GALNT18: variants seen among roughly 807,000 people sequenced by gnomAD.
GALNT18 encodes polypeptide N-acetylgalactosaminyltransferase 18.
A neutral mutation model predicts 69.5 loss-of-function variants in GALNT18; 44 were observed. The observed-to-expected ratio is 0.63, with a 90% confidence interval of 0.50 to 0.81. The LOEUF is 0.81. Ranked by LOEUF, GALNT18 falls within the 40% of genes least tolerant of loss-of-function variation. GALNT18 has a pLI of 0.00. For missense variants in GALNT18, 715 were observed against 810.0 expected, an observed-to-expected ratio of 0.88 and a Z score of 1.42; for synonymous variants, 364 against 318.2, an observed-to-expected ratio of 1.14 and a Z score of -1.53.
In GALNT18 at chr11:11,523,021, C is replaced by A. The variant is rs35390374; in HGVS notation, c.236-74085G>T. ...CAGTGCAGTCCACTAACAATTCAGGCAGAGGCTCTCCCTTACAAACTGCTT... is the reference window on the plus strand; with the variant it reads ...CAGTGCAGTCCACTAACAATTCAGGAAGAGGCTCTCCCTTACAAACTGCTT... On this transcript the variant is annotated intron_variant, in intron 1 of 10. Coordinates refer to ENST00000227756, the MANE Select transcript of GALNT18 (RefSeq NM_198516.3). The surrounding 1 kb of genome is among the most constrained non-coding windows in gnomAD (Gnocchi z 4.3). Among the ~76,000 whole-genome samples the A allele has an allele frequency of 0.13, 20,314 of 152,198 alleles. 1,755 individuals carry two copies. The highest frequency in any genetic ancestry group is 0.18 in the Middle Eastern group (52 of 292).
Position 11,497,327 on chromosome 11 carries a change from A to AAC in GALNT18, c.236-48393_236-48392dup, listed in dbSNP as rs61001797. Among the ~76,000 whole-genome samples the AAC allele has an allele frequency of 0.042, 5,526 of 132,268 alleles. 135 individuals are homozygous for AAC. Among genetic ancestry groups the AAC allele is most frequent in the African/African-American group, 0.048 (1,628 of 34,104 alleles). The allele number at this position is 132,268 out of a possible 152,430, so 86.8% of individuals were successfully genotyped here. On this transcript the variant is annotated intron_variant, in intron 1 of 10. Transcript: ENST00000227756. This position sits in a 1 kb window ranked among gnomAD's most constrained non-coding sequence, Gnocchi z 4.2. ...TATTTATGTTTTACCTCCTGTCTCCAACACACACACACACACACACACACA... is the reference window on the plus strand; with the variant it reads ...TATTTATGTTTTACCTCCTGTCTCCAACACACACACACACACACACACACACA...
intron 10 of GALNT18, among the ~76,000 whole-genome samples, chr11:11,286,600 G>A (rs79723900): frequency 6.6e-6 from 1 of 151,940 alleles, no homozygotes; most frequent in African/African-American, 2.4e-5. Context: ...TTGCACACAG[G>A]GGGGACTTTG....
At chr11:11,361,353 T>C (rs1015076554) in intron 6 of GALNT18, among the ~76,000 whole-genome samples, 7 of 152,332 alleles carry the variant, frequency 4.6e-5, no homozygotes, top group African/African-American at 1.7e-4. Flanking sequence ...CCTCTCTCTG[T>C]GCTTCAGTAT....
At chr11:11,407,472 G>A (rs867046441) in intron 3 of GALNT18, among the ~76,000 whole-genome samples, 40 of 152,208 alleles carry the variant, frequency 2.6e-4, no homozygotes, top group African/African-American at 9.2e-4. Context: ...CAGCACACAC[G>A]TCTCTGTTCT....
chr11:11,331,665 C>A (rs1850018695), intron 8 of GALNT18, among the ~76,000 whole-genome samples: 1 of 152,168 alleles, frequency 6.6e-6, no homozygotes, highest in Non-Finnish European at 1.5e-5. Context: ...ACACCAGAAG[C>A]TGGTTTTTTA....
intron 9 of GALNT18, among the ~76,000 whole-genome samples, chr11:11,323,493 G>T (rs1484660538): frequency 6.6e-6 from 1 of 152,198 alleles, no homozygotes; most frequent in African/African-American, 2.4e-5. Flanking sequence ...TCAATGCTCT[G>T]CCCTCCAGGT....
At chr11:11,521,275 C>T (rs1857393092) in intron 1 of GALNT18, among the ~76,000 whole-genome samples, 1 of 152,212 alleles carries the variant, frequency 6.6e-6, no homozygotes, top group Non-Finnish European at 1.5e-5. Flanking sequence ...AACAGGGGTA[C>T]AAACTAGCAA....
chr11:11,398,054 C>T (rs1184561339), intron 3 of GALNT18, among the ~76,000 whole-genome samples: 1 of 152,180 alleles, frequency 6.6e-6, no homozygotes, highest in African/African-American at 2.4e-5. Flanking sequence ...TGAAGTGCTC[C>T]ACACATTATA....
Position 11,617,566 on chromosome 11 carries a change from T to C in GALNT18, c.235+3793A>G, listed in dbSNP as rs1043272028. Reference sequence around the variant, plus strand: ...ATGACTACACCTTCATTTTGAAATATGGAGGCAAATGAACAAATCCAGAAG... The same window carrying C: ...ATGACTACACCTTCATTTTGAAATACGGAGGCAAATGAACAAATCCAGAAG... On this transcript the variant is annotated intron_variant, in intron 1 of 10. Transcript: ENST00000227756. This position sits in a 1 kb window ranked among gnomAD's most constrained non-coding sequence, Gnocchi z 4.7. Among the ~76,000 whole-genome samples the C allele has an allele frequency of 1.3e-5, 2 of 152,218 alleles. No individual in the cohort carries two copies. The highest frequency in any genetic ancestry group is 2.9e-5 in the Non-Finnish European group (2 of 68,024).
rs768195138 is a variant in GALNT18 at position 11,372,359 on chromosome 11, C to T, written c.1092+156G>A. Among the ~76,000 whole-genome samples the T allele has an allele frequency of 3.9e-5, 6 of 152,296 alleles. No individual in the cohort carries two copies. The highest frequency in any genetic ancestry group is 6.5e-5 in the Admixed American group (1 of 15,304). ...TTCCTGAAAAGTCAAGAGGCTCCAC[C>T]CTGTGTCTTCCCAATCCCAATCACA... On this transcript the variant is annotated intron_variant, in intron 6 of 10. Coordinates refer to ENST00000227756, the MANE Select transcript of GALNT18 (RefSeq NM_198516.3). The surrounding 1 kb of genome is among the most constrained non-coding windows in gnomAD (Gnocchi z 4.9).
rs1431291582 is a variant in GALNT18 at position 11,605,419 on chromosome 11, GC to G, written c.235+15939del. 6.6e-6 allele frequency among the ~76,000 whole-genome samples: 1 copy of G among 152,182 alleles called. No individual in the cohort carries two copies. Among genetic ancestry groups the G allele is most frequent in the Non-Finnish European group, 1.5e-5 (1 of 68,044 alleles). On this transcript the variant is annotated intron_variant, in intron 1 of 10. Coordinates refer to ENST00000227756, the MANE Select transcript of GALNT18 (RefSeq NM_198516.3). The surrounding 1 kb of genome is among the most constrained non-coding windows in gnomAD (Gnocchi z 4.7). ...ACACCTGTCTCCTGAGTGCGAAACA[GC>G]AAGTCCTAACTTGCCAGGCCGCCAG...
At position 11,606,182 on chromosome 11, in the gene GALNT18, A is replaced by T. The variant is rs1859749928; in HGVS notation, c.235+15177T>A. On this transcript the variant is annotated intron_variant, in intron 1 of 10. Coordinates refer to ENST00000227756, the MANE Select transcript of GALNT18 (RefSeq NM_198516.3). The surrounding 1 kb of genome is among the most constrained non-coding windows in gnomAD (Gnocchi z 5.4). The stretch of plus-strand genomic sequence containing the variant: ...CACCTCTTACTGAGAGGTTTTAGGC[A>T]GCTGGTTTATTTATTCATGTGTTTA... Among the ~76,000 whole-genome samples the T allele has an allele frequency of 6.6e-6, 1 of 152,148 alleles. No individual in the cohort carries two copies. Among genetic ancestry groups the T allele is most frequent in the South Asian group, 2.1e-4 (1 of 4,822 alleles).
At chr11:11,420,308 C>T (rs945876411) in intron 3 of GALNT18, among the ~76,000 whole-genome samples, 33 of 152,244 alleles carry the variant, frequency 2.2e-4, no homozygotes, top group Non-Finnish European at 1.9e-4. Flanking sequence ...CACCACCTCC[C>T]GCCCTCACCA....
At chr11:11,488,083 T>C (rs1012135330) in intron 1 of GALNT18, among the ~76,000 whole-genome samples, 2 of 152,194 alleles carry the variant, frequency 1.3e-5, no homozygotes, top group Non-Finnish European at 2.9e-5. Context: ...CAGGGGATAA[T>C]AGCTGTGCCT....
intron 3 of GALNT18, among the ~76,000 whole-genome samples, chr11:11,379,607 G>A (rs1853861724): frequency 6.6e-6 from 1 of 152,228 alleles, no homozygotes; most frequent in Admixed American, 6.5e-5. Flanking sequence ...CAGCTTGTGA[G>A]TGGCACAGTC....
Position 11,426,248 on chromosome 11 carries a change from G to A in GALNT18, c.595+6373C>T, listed in dbSNP as rs182889387. 3.2e-3 allele frequency among the ~76,000 whole-genome samples: 486 copies of A among 152,332 alleles called. 5 individuals carry two copies. Among genetic ancestry groups the A allele is most frequent in the African/African-American group, 0.011 (473 of 41,572 alleles). ...CCTCTGCACTCCACCCCACATTCAT[G>A]CCATATCCCTGGGATGCAACAGGGA... On this transcript the variant is annotated intron_variant, in intron 3 of 10. Transcript: ENST00000227756.
intron 10 of GALNT18, among the ~76,000 whole-genome samples, chr11:11,289,501 C>CCATG (rs556200851): frequency 5.0e-4 from 76 of 152,128 alleles, no homozygotes; most frequent in African/African-American, 1.5e-3. Flanking sequence ...CCTTTTCAAG[C>CCATG]CATGCCCTGG....
In GALNT18 at chr11:11,595,879, A is replaced by T. The variant is rs1200988209; in HGVS notation, c.235+25480T>A. Among the ~76,000 whole-genome samples, 1 of 152,172 alleles carries T rather than the reference A, an allele frequency of 6.6e-6. No individual in the cohort carries two copies. The highest frequency in any genetic ancestry group is 2.4e-5 in the African/African-American group (1 of 41,428). ...CGTTGAATAGTATTCTTTGATATAC[A>T]AAGTTTTAAATTTGATCAAATCCAA... On this transcript the variant is annotated intron_variant, in intron 1 of 10. Coordinates refer to ENST00000227756, the MANE Select transcript of GALNT18 (RefSeq NM_198516.3). This position sits in a 1 kb window ranked among gnomAD's most constrained non-coding sequence, Gnocchi z 5.2.
At chr11:11,412,864 C>T (rs991127181) in intron 3 of GALNT18, among the ~76,000 whole-genome samples, 23 of 152,154 alleles carry the variant, frequency 1.5e-4, no homozygotes, top group African/African-American at 5.6e-4. Context: ...GGCTGCTCTG[C>T]CCCAGCATGT....
Sources: gnomAD v4.1 joint callset for allele counts (sites outside exome capture counted in the v4.1 genomes callset) on GRCh38, gnomAD v4.1.1 for gene constraint, Gnocchi (gnomAD v3.1) non-coding constraint, MANE v1.5 for transcripts, NCBI Gene and HGNC (gene_info 2026-07-23, HGNC 2026-07-21) for gene names.